The following DNAH12 variants were observed in gnomAD, a reference collection of about 807,000 sequenced individuals.
DNAH12 encodes dynein axonemal heavy chain 12, also known as axonemal beta dynein heavy chain 12.
Under a neutral mutation model 371.5 loss-of-function variants are expected in DNAH12, and 285 were observed. That is an observed-to-expected ratio of 0.77 (90% CI 0.70 to 0.85). The LOEUF is 0.85. DNAH12 is among the 40% of genes least tolerant of loss of function. The pLI, the probability that DNAH12 is intolerant of heterozygous loss-of-function variation, is 0.00. For missense variants in DNAH12, 3,611 were observed against 3,689.4 expected, an observed-to-expected ratio of 0.98 and a Z score of 0.55; for synonymous variants, 1,200 against 1,213.0, an observed-to-expected ratio of 0.99 and a Z score of 0.22.
Position 57,504,002 on chromosome 3 carries a change from T to A in DNAH12, c.1086+14A>T, listed in dbSNP as rs1255622330. On this transcript the variant is annotated intron_variant, in intron 9 of 73. Transcript: ENST00000495027. ...TAATTTAAAATTCTTTCCCGATGGG[T>A]AAAGATGTAATACCTGCAGAGCTTC... 1 of 1,599,746 alleles carries A rather than the reference T, an allele frequency of 6.3e-7. No individual in the cohort carries two copies. Among genetic ancestry groups the A allele is most frequent in the South Asian group, 1.1e-5 (1 of 90,204 alleles).
At chr3:57,388,575 C>T (rs931822284) in intron 45 of DNAH12, among the ~76,000 whole-genome samples, 11 of 151,262 alleles carry the variant, frequency 7.3e-5, no homozygotes, top group Non-Finnish European at 1.2e-4. Flanking sequence ...AAAAAAGAGA[C>T]TTCTAAAGAA....
chr3:57,426,608 T>C (rs557471649), intron 34 of DNAH12, among the ~76,000 whole-genome samples: 1 of 152,090 alleles, frequency 6.6e-6, no homozygotes, highest in South Asian at 2.1e-4. Flanking sequence ...GGTGGGCAGA[T>C]TGCTTGAGGC....
chr3:57,331,612 C>G (rs540709468), intron 62 of DNAH12, among the ~76,000 whole-genome samples: 2 of 152,016 alleles, frequency 1.3e-5, no homozygotes, highest in African/African-American at 2.4e-5. Flanking sequence ...TGAGACTTTA[C>G]TAAAACGGTA....
intron 11 of DNAH12, among the ~76,000 whole-genome samples, chr3:57,495,852 T>G (rs1575684631): frequency 1.4e-5 from 2 of 140,212 alleles, no homozygotes; most frequent in Admixed American, 1.4e-4. Flanking sequence ...AACAATGTAT[T>G]TATATATTTT....
chr3:57,439,495 A>G (rs1220018621), intron 29 of DNAH12, among the ~76,000 whole-genome samples: 2 of 152,196 alleles, frequency 1.3e-5, no homozygotes, highest in Non-Finnish European at 2.9e-5. Flanking sequence ...TTAGCCATAT[A>G]TAGAAGAATT....
rs376914196 is a variant in DNAH12, at chr3:57,490,996, C to T, written c.1336-1309G>A. Among the ~76,000 whole-genome samples the T allele has an allele frequency of 1.4e-4, 20 of 147,330 alleles. No individual in the cohort carries two copies. In the South Asian group the frequency reaches 3.9e-3, roughly 29 times the overall value. On this transcript the variant is annotated intron_variant, in intron 11 of 73. Transcript: ENST00000495027. Reference sequence around the variant, plus strand: ...GCCAGCTACTCAAGAGGCTGAGAATCGCTTGAACCTGAGAGGTAGAGATTG... The same window carrying T: ...GCCAGCTACTCAAGAGGCTGAGAATTGCTTGAACCTGAGAGGTAGAGATTG...
intron 58 of DNAH12, among the ~76,000 whole-genome samples, chr3:57,359,573 A>G (rs1026308632): frequency 4.6e-5 from 7 of 151,006 alleles, no homozygotes; most frequent in African/African-American, 1.2e-4. Context: ...AAAAAAAAAA[A>G]AAAAAAAGAA....
intron 2 of DNAH12, among the ~76,000 whole-genome samples, chr3:57,533,225 C>G (rs1049324285): frequency 1.3e-5 from 2 of 151,974 alleles, no homozygotes; most frequent in African/African-American, 4.8e-5. Context: ...ACTCACCCTT[C>G]AGGGCATTGG....
chr3:57,313,570 C>T (rs1357280795), intron 66 of DNAH12, among the ~76,000 whole-genome samples: 1 of 152,168 alleles, frequency 6.6e-6, no homozygotes, highest in Non-Finnish European at 1.5e-5. Context: ...ATAAGAATAG[C>T]TTGAACTGGG....
chr3:57,371,476 G>C (rs1245367728), intron 55 of DNAH12, among the ~76,000 whole-genome samples: 1 of 151,962 alleles, frequency 6.6e-6, no homozygotes, highest in Non-Finnish European at 1.5e-5. Context: ...CAATTTAAAA[G>C]GGTAAATTTT....
intron 34 of DNAH12, among the ~76,000 whole-genome samples, chr3:57,425,496 T>C (rs2064738538): frequency 6.6e-6 from 1 of 152,090 alleles, no homozygotes; most frequent in African/African-American, 2.4e-5. Context: ...CTCAACCTTC[T>C]GGACTCAGGC....
chr3:57,545,930 ACAGTGGGCTC>A (rs1299878385), upstream of DNAH12, among the ~76,000 whole-genome samples: 3 of 152,190 alleles, frequency 2.0e-5, no homozygotes, highest in African/African-American at 7.2e-5. Flanking sequence ...GGGTATGGGC[ACAGTGGGCTC>A]CAGTAGGTTC....
At position 57,445,349 on chromosome 3, in the gene DNAH12, T is replaced by C. The variant is rs1559666741; in HGVS notation, c.4250A>G (p.Tyr1417Cys). ...CAGAGGTCTTGCATTCAAAAATCCG[T>C]AAGAGTAGAGGGAGATTTCTGCTAT... ...ALIAEISLYS[Y>C]GFLNARPLSV... Residue 1417 changes from tyrosine to cysteine, a missense_variant, in exon 28 of 74, where the codon TAC becomes TGC. This residue lies in a region of DNAH12 where 2,266 missense variants were observed against 2,236.9 expected (regional missense o/e 1.01). Transcript: ENST00000495027. 7 of 1,551,686 alleles carry C rather than the reference T, an allele frequency of 4.5e-6. No individual in the cohort carries two copies. The highest frequency in any genetic ancestry group is 6.1e-6 in the Non-Finnish European group (7 of 1,146,986).
chr3:57,406,479 G>A (rs1225253388), intron 40 of DNAH12, among the ~76,000 whole-genome samples: 2 of 152,108 alleles, frequency 1.3e-5, no homozygotes, highest in African/African-American at 4.8e-5. Context: ...TTAACTTGAG[G>A]GAACTTAATA....
the DNAH12 span, among the ~76,000 whole-genome samples, chr3:57,550,744 G>C: frequency 6.6e-6 from 1 of 151,654 alleles, no homozygotes; most frequent in African/African-American, 2.4e-5. Flanking sequence ...GCTAGTCTCA[G>C]AGTCCTGACC....
intron 69 of DNAH12, among the ~76,000 whole-genome samples, chr3:57,306,733 T>A (rs1255466117): frequency 3.3e-5 from 5 of 152,224 alleles, no homozygotes; most frequent in Non-Finnish European, 5.9e-5. Context: ...TGCCACAGCA[T>A]GGCCTTTTAA....
chr3:57,457,930 G>C lies in DNAH12; in HGVS notation c.3127C>G (p.His1043Asp), dbSNP rs991008681. 1 of 1,551,498 alleles carries C rather than the reference G, an allele frequency of 6.4e-7. No homozygotes were observed. ...ETKDPLRVQP[H>D]LKKCFEGIAK... is the part of the protein sequence containing the mutation. Reference sequence around the variant, plus strand: ...ATGCCCTCAAAGCATTTTTTTAAATGTGGCTGAACTCTAAGTGGATCTTTG... The same window carrying C: ...ATGCCCTCAAAGCATTTTTTTAAATCTGGCTGAACTCTAAGTGGATCTTTG... Residue 1043 changes from histidine (H) to aspartate (D), a missense_variant, in exon 22 of 74, where the codon CAT becomes GAT. By Grantham distance (81) the His-to-Asp change is moderately conservative. Around this residue, in one of 3 missense-constraint regions of DNAH12, gnomAD observed 1,314 missense variants for 1,398.7 expected, o/e 0.94. Transcript: ENST00000495027.
In DNAH12 at chr3:57,468,911, C is replaced by T. The variant is rs1166579378; in HGVS notation, c.2174G>A (p.Arg725Gln). ...SMEADVEEFS[R>Q]EIFKTLKFFQ... ...AAATTTTAGTGTCTTAAAAATTTCT[C>T]GGGAAAACTCTTCCACATCAGCCTC... The change falls in exon 17 of 74, where the codon CGA becomes CAA. Residue 725 changes from arginine to glutamine, a missense_variant. Physicochemically the swap from Arg to Gln is conservative, Grantham distance 43. This residue lies in a region of DNAH12 where 1,314 missense variants were observed against 1,398.7 expected (regional missense o/e 0.94). Coordinates refer to ENST00000495027, the MANE Select transcript of DNAH12 (RefSeq NM_001366028.2). 1.2e-5 allele frequency: 19 copies of T among 1,524,538 alleles called. No homozygotes were observed. Among genetic ancestry groups the T allele is most frequent in the East Asian group, 2.5e-5 (1 of 40,238 alleles). 94.4% of individuals were successfully genotyped at this position (1,524,538 alleles called of 1,614,324 possible). A position where few individuals can be genotyped will look rare whatever the true frequency, so the allele number is the denominator to read the frequency against.
At chr3:57,348,471 A>G (rs1048875281) in intron 60 of DNAH12, among the ~76,000 whole-genome samples, 1 of 152,182 alleles carries the variant, frequency 6.6e-6, no homozygotes, top group Middle Eastern at 3.2e-3. Context: ...ACCCAGAGTG[A>G]AGCCTGATGT....
Sources: gnomAD v4.1 joint callset for allele counts (sites outside exome capture counted in the v4.1 genomes callset) on GRCh38, gnomAD v4.1.1 for gene constraint, gnomAD v4.1.1 regional missense constraint, MANE v1.5 for transcripts, NCBI Gene and HGNC (gene_info 2026-07-23, HGNC 2026-07-21) for gene names.